The following NUP214 variants were observed in gnomAD, a reference collection of about 807,000 sequenced individuals.
NUP214 encodes nucleoporin 214.
A neutral mutation model predicts 196.2 loss-of-function variants in NUP214; 79 were observed. That is an observed-to-expected ratio of 0.40 (90% CI 0.34 to 0.49). The LOEUF is 0.49. NUP214 is among the 20% of genes least tolerant of loss of function. NUP214 has a pLI of 0.58. For missense variants in NUP214, 2,468 were observed against 2,539.0 expected (o/e 0.97, Z 0.60); for synonymous variants, 1,020 against 990.5 (o/e 1.03, Z -0.56).
intron 11 of NUP214, among the ~76,000 whole-genome samples, chr9:131,142,376 T>G (rs1050595214): frequency 3.9e-5 from 6 of 152,224 alleles, no homozygotes; most frequent in Non-Finnish European, 7.3e-5. Context: ...CCAGAGGTTA[T>G]AGTTGTGTTC....
Position 131,125,872 on chromosome 9 carries a change from A to G in NUP214, c.45+123A>G. 1 of 1,116,644 alleles carries G rather than the reference A, an allele frequency of 9.0e-7. No individual in the cohort carries two copies. Among genetic ancestry groups the G allele is most frequent in the South Asian group, 1.4e-5 (1 of 69,602 alleles). The allele number at this position is 1,116,644 out of a possible 1,614,324, so 69.2% of individuals were successfully genotyped here. On this transcript the variant is annotated intron_variant, in intron 1 of 35. Transcript: ENST00000359428. This position sits in a 1 kb window ranked among gnomAD's most constrained non-coding sequence, Gnocchi z 4.1. ...TGCTTGAACAGTTTACCGCGTTCAC[A>G]GCTCTCACCAGCGCGTCTGCCGCGC...
chr9:131,125,630 G>C lies in NUP214; in HGVS notation c.-75G>C. Reference sequence around the variant, plus strand: ...TGGCGCTGAGGGGAGGAAGTTTGCTGTCGAGCGGCCTGGGTTCCGTGGGCA... The same window carrying C: ...TGGCGCTGAGGGGAGGAAGTTTGCTCTCGAGCGGCCTGGGTTCCGTGGGCA... On this transcript the variant is annotated 5_prime_UTR_variant, in exon 1 of 36. Transcript: ENST00000359428. The surrounding 1 kb of genome is among the most constrained non-coding windows in gnomAD (Gnocchi z 4.1). The C allele has an allele frequency of 5.8e-6, 9 of 1,547,702 alleles. No individual in the cohort carries two copies. The highest frequency in any genetic ancestry group is 7.0e-6 in the Non-Finnish European group (8 of 1,144,972).
At chr9:131,159,898 G>A (rs1000764208) in intron 18 of NUP214, among the ~76,000 whole-genome samples, 1 of 150,370 alleles carries the variant, frequency 6.7e-6, no homozygotes, top group African/African-American at 2.4e-5. Context: ...TCTACAAAAC[G>A]TTCATTCTTT....
intron 24 of NUP214, among the ~76,000 whole-genome samples, chr9:131,182,339 C>T (rs996874077): frequency 4.6e-5 from 7 of 152,210 alleles, no homozygotes; most frequent in Admixed American, 1.3e-4. Context: ...AGCAGGTGAG[C>T]GGCAGGCAAG....
rs563025075 is a variant in NUP214 at position 131,140,575 on chromosome 9, C to G, written c.1159C>G (p.Pro387Ala). 1.2e-5 allele frequency: 19 copies of G among 1,612,542 alleles called. No individual in the cohort carries two copies. In the South Asian group the frequency reaches 1.7e-4, roughly 14 times the overall value. ...TGATGAAAAGACTCTTCCTCCTGCT[C>G]CAGTTCTCATGTTACTTTCAACAGA... Reference protein sequence around the residue: ...ISDEKTLPPAPVLMLLSTDGV... With the variant: ...ISDEKTLPPAAVLMLLSTDGV... The change falls in exon 11 of 36, where the codon CCA becomes GCA. Residue 387 changes from proline (P) to alanine (A), a missense_variant. Physicochemically the swap from Pro to Ala is conservative, Grantham distance 27 (BLOSUM62 -1). This residue lies in a region of NUP214 where 1,801 missense variants were observed against 1,779.4 expected (regional missense o/e 1.01). Transcript: ENST00000359428.
intron 11 of NUP214, among the ~76,000 whole-genome samples, chr9:131,142,934 T>C (rs353539): frequency 0.98 from 148,736 of 152,318 alleles, 72,748 homozygotes; most frequent in East Asian, 1. Flanking sequence ...CAAAGAATTC[T>C]TTTCTTATTT....
intron 33 of NUP214, chr9:131,230,230 G>T (rs928677167): frequency 1.5e-5 from 3 of 193,808 alleles, no homozygotes; most frequent in African/African-American, 7.1e-5. Flanking sequence ...CCCAAGAGGA[G>T]CTGAAGATAA....
chr9:131,224,886 A>G (rs1003665699), intron 32 of NUP214, among the ~76,000 whole-genome samples: 5 of 152,184 alleles, frequency 3.3e-5, no homozygotes, highest in Non-Finnish European at 7.4e-5. Context: ...AAGACTTTTT[A>G]TGTTTTTAGG....
chr9:131,146,202 G>A lies in NUP214; in HGVS notation c.1843G>A (p.Ala615Thr). The change falls in exon 13 of 36, where the codon GCC becomes ACC. Residue 615 changes from alanine to threonine, a missense_variant. Around this residue, in one of 5 missense-constraint regions of NUP214, gnomAD observed 1,801 missense variants for 1,779.4 expected, o/e 1.01. Coordinates refer to ENST00000359428, the MANE Select transcript of NUP214 (RefSeq NM_005085.4). The surrounding 1 kb of genome is among the most constrained non-coding windows in gnomAD (Gnocchi z 4.6). ...ACCCCCGATGTCGCCATTCTCTTCT[G>A]CCTCCAAGCCAGCTGCTTCTGGACC... ...SAPPMSPFSS[A>T]SKPAASGPLS... 1.9e-6 allele frequency: 3 copies of A among 1,614,016 alleles called. 1 individual carries two copies. Among genetic ancestry groups the A allele is most frequent in the Non-Finnish European group, 2.5e-6 (3 of 1,180,030 alleles).
intron 15 of NUP214, 70 bp from the exon 16 acceptor site, chr9:131,150,546 T>G: frequency 6.3e-7 from 1 of 1,590,668 alleles, no homozygotes; most frequent in Non-Finnish European, 8.6e-7. Context: ...GAGCAGTTAG[T>G]AAGCACGATA....
intron 28 of NUP214, among the ~76,000 whole-genome samples, chr9:131,196,025 T>TCTGTC (rs1554737945): frequency 2.7e-4 from 1 of 3,666 alleles, no homozygotes; most frequent in Non-Finnish European, 6.3e-4. Flanking sequence ...ACTCTGTGTG[T>TCTGTC]CCCCCCCCCC....
chr9:131,156,308 A>G (rs1371473128), intron 17 of NUP214, among the ~76,000 whole-genome samples: 3 of 150,908 alleles, frequency 2.0e-5, no homozygotes, highest in Non-Finnish European at 4.4e-5. Context: ...AATTTTTTGT[A>G]TTTTCAGTAG....
Position 131,195,253 on chromosome 9 carries a change from T to C in NUP214, c.3680T>C (p.Ile1227Thr). The C allele has an allele frequency of 6.2e-7, 1 of 1,613,230 alleles. No homozygotes were observed. Among genetic ancestry groups the C allele is most frequent in the Non-Finnish European group, 8.5e-7 (1 of 1,179,516 alleles). The change falls in exon 28 of 36, where the codon ATA becomes ACA. Residue 1227 changes from isoleucine (I) to threonine (T), a missense_variant. Physicochemically the swap from Ile to Thr is moderately conservative, Grantham distance 89. Transcript: ENST00000359428. ...GTTAGGACTGGCTTTAATTTTGGGA[T>C]AATCACACCAACACCGTCTTCTAAT... Reference protein sequence around the residue: ...SPSGTGFNFGIITPTPSSNFT... With the variant: ...SPSGTGFNFGTITPTPSSNFT...
Position 131,163,135 on chromosome 9 carries a change from C to G in NUP214, c.2685C>G (p.Ser895Arg). 1.2e-6 allele frequency: 2 copies of G among 1,614,066 alleles called. No individual in the cohort carries two copies. The highest frequency in any genetic ancestry group is 2.7e-5 in the African/African-American group (2 of 75,034). Residue 895 changes from serine (S) to arginine (R), a missense_variant, in exon 19 of 36, where the codon AGC becomes AGG. Ser to Arg is a moderately radical substitution (Grantham distance 110). Transcript: ENST00000359428. The part of the protein sequence containing the change: ...LRLYKQTSLW[S>R]LSSAVPSQSS... ...TTTACAAACAGACTTCCCTGTGGAG[C>G]CTGTCCTCGGCTGTTCCTTCCCAGA...
chr9:131,195,494 G>T lies in NUP214; in HGVS notation c.3721+200G>T, dbSNP rs180759462. ...AAGGATTTCTATTTTTATAATTAAG[G>T]ACAAGGAAAGGATTTGCTTCTAGAA... On this transcript the variant is annotated intron_variant, in intron 28 of 35. Coordinates refer to ENST00000359428, the MANE Select transcript of NUP214 (RefSeq NM_005085.4). 4.8e-5 allele frequency: 22 copies of T among 456,546 alleles called. No individual in the cohort carries two copies. In the East Asian group the frequency reaches 7.4e-4, roughly 15 times the overall value. The allele number at this position is 456,546 out of a possible 1,614,324, so 28.3% of individuals were successfully genotyped here. A position where few individuals can be genotyped will look rare whatever the true frequency, so the allele number is the denominator to read the frequency against.
chr9:131,150,540 A>C (rs1191899525), intron 15 of NUP214, 76 bp from the exon 16 acceptor site: 2 of 1,586,000 alleles, frequency 1.3e-6, no homozygotes, highest in African/African-American at 2.7e-5. Flanking sequence ...CAGTCTGAGC[A>C]GTTAGTAAGC....
intron 12 of NUP214, among the ~76,000 whole-genome samples, chr9:131,145,749 C>A (rs1371926243): frequency 2.6e-5 from 4 of 152,178 alleles, no homozygotes; most frequent in Non-Finnish European, 4.4e-5. Context: ...AAAACGAGTT[C>A]TCAGTAATTT....
At chr9:131,152,116 A>G (rs1832287647) in intron 17 of NUP214, among the ~76,000 whole-genome samples, 1 of 152,120 alleles carries the variant, frequency 6.6e-6, no homozygotes, top group South Asian at 2.1e-4. Context: ...TTTTTTTAAA[A>G]TACTTTTTTT....
At chr9:131,154,450 A>G (rs565372786) in intron 17 of NUP214, among the ~76,000 whole-genome samples, 18 of 150,778 alleles carry the variant, frequency 1.2e-4, no homozygotes, top group African/African-American at 2.0e-4. Flanking sequence ...CTGTCTGTCT[A>G]TCTATCTATT....
Sources: allele counts gnomAD v4.1 joint callset (sites outside exome capture counted in the v4.1 genomes callset), GRCh38; gene constraint gnomAD v4.1.1; regional missense constraint gnomAD v4.1.1; non-coding constraint Gnocchi (gnomAD v3.1); transcripts MANE v1.5; gene names NCBI Gene and HGNC (gene_info 2026-07-23, HGNC 2026-07-21).